Variants in RPTOR observed in about 807,000 individuals in gnomAD.
RPTOR encodes the protein regulatory associated protein of MTOR complex 1, also known as regulatory-associated protein of mTOR.
RPTOR carries 21 observed loss-of-function variants against 169.9 expected under a neutral mutation model. The observed-to-expected ratio is 0.12, with a 90% CI of 0.09 to 0.18. RPTOR has a LOEUF of 0.18. Ranked by LOEUF, RPTOR falls within the 10% of genes least tolerant of loss-of-function variation. The pLI, the probability that RPTOR is intolerant of heterozygous loss-of-function variation, is 1.00. For synonymous variants in RPTOR, 732 were observed against 753.2 expected, an observed-to-expected ratio of 0.97 and a Z score of 0.46; for missense variants, 1,133 against 1,855.9, an observed-to-expected ratio of 0.61 and a Z score of 7.16.
chr17:80,649,781 C>T (rs1719026333), intron 3 of RPTOR, among the ~76,000 whole-genome samples: 1 of 152,188 alleles, frequency 6.6e-6, no homozygotes, highest in Non-Finnish European at 1.5e-5. Flanking sequence ...ACTTCGTCTT[C>T]CCTCCTTTCT....
chr17:80,599,206 C>T (rs1218304081), intron 1 of RPTOR, among the ~76,000 whole-genome samples: 1 of 152,134 alleles, frequency 6.6e-6, no homozygotes, highest in African/African-American at 2.4e-5. Context: ...TCTGCTGGGG[C>T]GTGTGCTGTG....
At chr17:80,736,439 C>T (rs750908215) in intron 5 of RPTOR, among the ~76,000 whole-genome samples, 10 of 152,162 alleles carry the variant, frequency 6.6e-5, no homozygotes, top group South Asian at 2.1e-4. Context: ...AACCGCCCCC[C>T]GCCCCTACCA....
At chr17:80,923,764 C>A in intron 23 of RPTOR, 91 bp downstream of exon 23, 1 of 1,338,964 alleles carries the variant, frequency 7.5e-7, no homozygotes, top group Non-Finnish European at 1.0e-6. Context: ...CTGCTCACAT[C>A]ACCATGGGAT....
chr17:80,900,151 G>T (rs534280684), intron 20 of RPTOR, among the ~76,000 whole-genome samples: 1 of 152,084 alleles, frequency 6.6e-6, no homozygotes, highest in African/African-American at 2.4e-5. Context: ...TCCTGGCCAG[G>T]AGTCGGGGAC....
chr17:80,724,370 G>A (rs1216834653), intron 4 of RPTOR, among the ~76,000 whole-genome samples: 1 of 151,020 alleles, frequency 6.6e-6, no homozygotes, highest in East Asian at 1.9e-4. Flanking sequence ...TGGCATAGTT[G>A]GCATTTTTCT....
At chr17:80,757,434 T>G (rs2066691883) in intron 6 of RPTOR, among the ~76,000 whole-genome samples, 1 of 152,196 alleles carries the variant, frequency 6.6e-6, no homozygotes, top group Admixed American at 6.5e-5. Context: ...CAGATCTCTT[T>G]TCACGTACCA....
chr17:80,689,047 T>A (rs1258536539), intron 3 of RPTOR, among the ~76,000 whole-genome samples: 1 of 152,256 alleles, frequency 6.6e-6, no homozygotes, highest in Non-Finnish European at 1.5e-5. Context: ...AGGGGCATTT[T>A]TGATTTTGGA....
At chr17:80,809,137 C>T (rs755668065) in intron 7 of RPTOR, among the ~76,000 whole-genome samples, 9 of 152,228 alleles carry the variant, frequency 5.9e-5, no homozygotes, top group South Asian at 4.1e-4. Flanking sequence ...GTAACAACAG[C>T]GTGCCAGTTG....
At chr17:80,713,964 G>T (rs929298260) in intron 4 of RPTOR, among the ~76,000 whole-genome samples, 13 of 152,094 alleles carry the variant, frequency 8.5e-5, no homozygotes, top group African/African-American at 3.1e-4. Flanking sequence ...TTGAGATGGA[G>T]TCTCGCTTTG....
At chr17:80,788,886 C>T (rs1358130696) in intron 6 of RPTOR, among the ~76,000 whole-genome samples, 2 of 152,210 alleles carry the variant, frequency 1.3e-5, no homozygotes, top group African/African-American at 2.4e-5. Flanking sequence ...TGCTCAGCAA[C>T]ACTCTGATGT....
chr17:80,909,047 G>A, intron 21 of RPTOR, 118 bp downstream of exon 21: 1 of 718,866 alleles, frequency 1.4e-6, no homozygotes, highest in Admixed American at 2.1e-5. Flanking sequence ...AACAAAACGA[G>A]CTTCAGCAAA....
chr17:80,927,668 G>T (rs528936601), intron 24 of RPTOR, among the ~76,000 whole-genome samples: 1 of 150,308 alleles, frequency 6.7e-6, no homozygotes, highest in East Asian at 1.9e-4. Flanking sequence ...GTGTCTGTCT[G>T]TGTGATGTGT....
At position 80,957,113 on chromosome 17, in the gene RPTOR, C is replaced by T. The variant is rs950254554; in HGVS notation, c.3371-511C>T. 8.3e-4 allele frequency among the ~76,000 whole-genome samples: 93 copies of T among 111,960 alleles called. No homozygotes were observed. Among genetic ancestry groups the T allele is most frequent in the Middle Eastern group, 6.7e-3 (1 of 150 alleles). The allele number at this position is 111,960 out of a possible 152,430, so 73.5% of individuals were successfully genotyped here. ...TGGACTTGGGAGTTCCAGCTTAGAA[C>T]TGTCACCCCGGCCTGGACTTGGGAG... On this transcript the variant is annotated intron_variant, in intron 28 of 33. Transcript: ENST00000306801. This position sits in a 1 kb window ranked among gnomAD's most constrained non-coding sequence, Gnocchi z 4.6.
chr17:80,711,901 G>A (rs2066196693), intron 4 of RPTOR, among the ~76,000 whole-genome samples: 1 of 151,760 alleles, frequency 6.6e-6, no homozygotes, highest in African/African-American at 2.4e-5. Flanking sequence ...CCGCCGCCAC[G>A]CCCGGCTAAT....
intron 13 of RPTOR, among the ~76,000 whole-genome samples, chr17:80,864,214 G>A (rs2067954493): frequency 6.6e-6 from 1 of 151,326 alleles, no homozygotes; most frequent in Non-Finnish European, 1.5e-5. Flanking sequence ...GAAAAACAGT[G>A]AGAAATTCAA....
At chr17:80,812,462 G>A (rs1411785991) in intron 7 of RPTOR, among the ~76,000 whole-genome samples, 1 of 152,088 alleles carries the variant, frequency 6.6e-6, no homozygotes, top group Non-Finnish European at 1.5e-5. Context: ...GCCTTTTAGA[G>A]TCTCAGCTCA....
At chr17:80,821,718 A>T (rs1211376354) in intron 7 of RPTOR, among the ~76,000 whole-genome samples, 2 of 152,180 alleles carry the variant, frequency 1.3e-5, no homozygotes, top group Non-Finnish European at 2.9e-5. Context: ...CAATCCCCAC[A>T]TCCCTGTCGC....
At chr17:80,608,762 C>T (rs935911857) in intron 1 of RPTOR, among the ~76,000 whole-genome samples, 3 of 152,106 alleles carry the variant, frequency 2.0e-5, no homozygotes, top group Admixed American at 2.0e-4. Flanking sequence ...AGTAGCTGAC[C>T]GTGTTGGTCT....
At chr17:80,867,763 C>T (rs1417551894) in intron 13 of RPTOR, among the ~76,000 whole-genome samples, 2 of 151,980 alleles carry the variant, frequency 1.3e-5, no homozygotes, top group South Asian at 4.2e-4. Context: ...AGAACATTTA[C>T]AATACCACTA....
Sources: allele counts gnomAD v4.1 joint callset (sites outside exome capture counted in the v4.1 genomes callset), GRCh38; gene constraint gnomAD v4.1.1; non-coding constraint Gnocchi (gnomAD v3.1); transcripts MANE v1.5; gene names NCBI Gene and HGNC (gene_info 2026-07-23, HGNC 2026-07-21).